TLL1: variants seen among roughly 807,000 people sequenced by gnomAD.
TLL1 encodes the protein tolloid like 1.
TLL1 carries 49 observed loss-of-function variants against 128.2 expected under a neutral mutation model. The observed-to-expected ratio is 0.38, with a 90% CI of 0.30 to 0.48. The LOEUF (loss-of-function observed/expected upper bound fraction) is 0.48. Ranked by LOEUF, TLL1 falls within the 20% of genes least tolerant of loss-of-function variation. TLL1 has a pLI of 0.96. For missense variants in TLL1, 1,123 were observed against 1,242.0 expected (o/e 0.90, Z 1.44); for synonymous variants, 454 against 418.8 (o/e 1.08, Z -1.03).
chr4:165,952,472 A>G (rs1734572428), intron 1 of TLL1, among the ~76,000 whole-genome samples: 1 of 152,152 alleles, frequency 6.6e-6, no homozygotes, highest in African/African-American at 2.4e-5. Flanking sequence ...TGAAGTAGAC[A>G]GGGAAGGAAA....
chr4:165,995,806 T>C (rs1484803598), intron 5 of TLL1, among the ~76,000 whole-genome samples: 2 of 152,170 alleles, frequency 1.3e-5, no homozygotes, highest in African/African-American at 2.4e-5. Context: ...GGAAAGGATA[T>C]AAACTCATCT....
At chr4:166,063,025 T>C (rs1483397546) in intron 15 of TLL1, among the ~76,000 whole-genome samples, 1 of 152,096 alleles carries the variant, frequency 6.6e-6, no homozygotes, top group Non-Finnish European at 1.5e-5. Flanking sequence ...TTACATTTAT[T>C]GATTTGCTAA....
intron 1 of TLL1, among the ~76,000 whole-genome samples, chr4:165,949,515 C>T (rs1029512072): frequency 1.1e-4 from 17 of 152,102 alleles, no homozygotes; most frequent in African/African-American, 3.6e-4. Flanking sequence ...ACTCATACAA[C>T]TGTATTAGTC....
chr4:165,882,451 C>A (rs1731003296), intron 1 of TLL1, among the ~76,000 whole-genome samples: 1 of 151,902 alleles, frequency 6.6e-6, no homozygotes, highest in African/African-American at 2.4e-5. Flanking sequence ...GGAAAATTTT[C>A]TTTTATATAT....
chr4:166,003,744 C>T (rs1019802368), intron 6 of TLL1, among the ~76,000 whole-genome samples, 175 bp downstream of exon 6: 1 of 151,898 alleles, frequency 6.6e-6, no homozygotes, highest in Admixed American at 6.6e-5. Flanking sequence ...TTTTATTTTT[C>T]CTGGAGACTG....
At chr4:166,082,896 C>T (rs866803446) in intron 18 of TLL1, among the ~76,000 whole-genome samples, 2 of 151,982 alleles carry the variant, frequency 1.3e-5, no homozygotes, top group Admixed American at 6.6e-5. Flanking sequence ...AGGCTGGTCT[C>T]GAACTCCTGA....
chr4:166,054,410 A>G (rs1739902597), intron 12 of TLL1, among the ~76,000 whole-genome samples: 2 of 151,920 alleles, frequency 1.3e-5, no homozygotes, highest in African/African-American at 4.9e-5. Context: ...TTGAAAGACT[A>G]TGGAGCAATT....
At chr4:165,939,603 C>G (rs1207352427) in intron 1 of TLL1, among the ~76,000 whole-genome samples, 2 of 151,990 alleles carry the variant, frequency 1.3e-5, no homozygotes, top group Non-Finnish European at 2.9e-5. Context: ...TTGAAGCTTT[C>G]TAGAGTTCTA....
At chr4:166,035,947 G>T (rs182351354) in intron 9 of TLL1, among the ~76,000 whole-genome samples, 176 of 152,118 alleles carry the variant, frequency 1.2e-3, no homozygotes, top group Non-Finnish European at 2.3e-3. Flanking sequence ...AAAAAATATC[G>T]CCACTCTGGA....
At chr4:165,894,126 T>C (rs944694254) in intron 1 of TLL1, among the ~76,000 whole-genome samples, 3 of 152,040 alleles carry the variant, frequency 2.0e-5, no homozygotes, top group African/African-American at 7.2e-5. Context: ...GGGAGGACAA[T>C]GTATAGAATA....
chr4:165,917,177 C>CAGAA (rs1554006696), intron 1 of TLL1, among the ~76,000 whole-genome samples: 2 of 151,866 alleles, frequency 1.3e-5, no homozygotes, highest in Non-Finnish European at 1.5e-5. Context: ...GGTCCGTGAA[C>CAGAA]GTTCTATAGA....
At chr4:165,973,313 G>T (rs767152679) in intron 1 of TLL1, among the ~76,000 whole-genome samples, 23 of 151,838 alleles carry the variant, frequency 1.5e-4, no homozygotes, top group Non-Finnish European at 2.9e-4. Context: ...TCTTTTAAGG[G>T]CATCAAATCC....
chr4:165,886,679 G>T (rs1731174785), intron 1 of TLL1, among the ~76,000 whole-genome samples: 1 of 152,060 alleles, frequency 6.6e-6, no homozygotes, highest in Non-Finnish European at 1.5e-5. Context: ...ATCATCCCTA[G>T]ATTCCATATA....
chr4:166,057,437 C>G, intron 14 of TLL1, 128 bp downstream of exon 14: 1 of 1,364,466 alleles, frequency 7.3e-7, no homozygotes, highest in Non-Finnish European at 1.0e-6. Context: ...ATTAGTAAGA[C>G]TCAATTCACA....
chr4:166,015,688 G>T (rs1206987827), intron 8 of TLL1, among the ~76,000 whole-genome samples: 1 of 151,856 alleles, frequency 6.6e-6, no homozygotes, highest in East Asian at 1.9e-4. Context: ...TGAGTTGTTT[G>T]AATAATCCCA....
rs1334170116 is a variant in TLL1, at chr4:166,101,648, CA to C, written c.*775del. The C allele has an allele frequency of 6.6e-6, 1 of 152,402 alleles. No homozygotes were observed. The highest frequency in any genetic ancestry group is 1.5e-5 in the Non-Finnish European group (1 of 68,028). The allele number at this position is 152,402 out of a possible 1,614,324, so 9.4% of individuals were successfully genotyped here. On this transcript the variant is annotated 3_prime_UTR_variant, in exon 21 of 21. Coordinates refer to ENST00000061240, the MANE Select transcript of TLL1 (RefSeq NM_012464.5). ...TTTTGGAAGTGCTGCCTTTTCACAC[CA>C]AATCCAAGAAGCCTGTGATGTCTTA... is the stretch of plus-strand genomic sequence containing the variant.
At chr4:165,933,575 C>G (rs578045754) in intron 1 of TLL1, among the ~76,000 whole-genome samples, 78 of 152,260 alleles carry the variant, frequency 5.1e-4, no homozygotes, top group Admixed American at 2.2e-3. Context: ...TTTATCCAGC[C>G]ATATCAGGTA....
Position 166,014,427 on chromosome 4 carries a change from T to G in TLL1, c.918-9T>G, listed in dbSNP as rs991886499. ...GACTTAGGTGTGGTTTGCTTCTGCT[T>G]TTTTTCAGGGGGATGTTTCTGGATA... On this transcript the variant is annotated splice_polypyrimidine_tract_variant and intron_variant, in intron 7 of 20. Transcript: ENST00000061240. The G allele has an allele frequency of 3.7e-6, 6 of 1,611,914 alleles. No individual in the cohort carries two copies. Among genetic ancestry groups the G allele is most frequent in the Non-Finnish European group, 5.1e-6 (6 of 1,178,378 alleles).
At chr4:165,895,074 G>A (rs1731610377) in intron 1 of TLL1, among the ~76,000 whole-genome samples, 1 of 151,992 alleles carries the variant, frequency 6.6e-6, no homozygotes, top group African/African-American at 2.4e-5. Context: ...ATCTTCACAT[G>A]TTAATTTGTT....
Sources: allele counts gnomAD v4.1 joint callset (sites outside exome capture counted in the v4.1 genomes callset), GRCh38; gene constraint gnomAD v4.1.1; transcripts MANE v1.5; gene names NCBI Gene and HGNC (gene_info 2026-07-23, HGNC 2026-07-21).